GRID2: variants seen among roughly 807,000 people sequenced by gnomAD.
The protein encoded by GRID2 is glutamate ionotropic receptor delta type subunit 2.
GRID2 carries 33 observed loss-of-function variants against 114.8 expected under a neutral mutation model. That is an observed-to-expected ratio of 0.29 (90% CI 0.22 to 0.38). The LOEUF is 0.38. Among genes scored for constraint, GRID2 ranks in the 10% least tolerant of loss-of-function variants. The probability of loss-of-function intolerance (pLI) is 1.00; values close to 1 mark genes in which losing one functional copy is unlikely to be tolerated. For missense variants in GRID2, 1,184 were observed against 1,257.7 expected (o/e 0.94, Z 0.89); for synonymous variants, 505 against 449.9 (o/e 1.12, Z -1.55).
At chr4:93,213,695 T>C (rs1743842798) in intron 5 of GRID2, among the ~76,000 whole-genome samples, 1 of 152,172 alleles carries the variant, frequency 6.6e-6, no homozygotes, top group African/African-American at 2.4e-5. Flanking sequence ...AACCTAAAGC[T>C]GATATACTAC....
chr4:93,238,186 A>T (rs1054471567), intron 7 of GRID2, among the ~76,000 whole-genome samples, 185 bp from the exon 8 acceptor site: 1 of 152,012 alleles, frequency 6.6e-6, no homozygotes, highest in East Asian at 1.9e-4. Context: ...AGGAATTTCC[A>T]AAGTTAGGTT....
intron 2 of GRID2, among the ~76,000 whole-genome samples, chr4:93,019,575 A>G (rs1191438541): frequency 6.6e-6 from 1 of 152,136 alleles, no homozygotes; most frequent in Non-Finnish European, 1.5e-5. Flanking sequence ...TCGTAGCCTT[A>G]AAAATAATAA....
chr4:92,963,077 T>C (rs958497984), intron 2 of GRID2, among the ~76,000 whole-genome samples: 7 of 152,022 alleles, frequency 4.6e-5, no homozygotes, highest in Non-Finnish European at 8.8e-5. Context: ...AATACCTTAA[T>C]TTAAAATACT....
chr4:93,364,307 T>C (rs1762140772), intron 8 of GRID2, among the ~76,000 whole-genome samples: 2 of 152,248 alleles, frequency 1.3e-5, no homozygotes, highest in African/African-American at 4.8e-5. Flanking sequence ...AGGTTAGGTC[T>C]AAAAATAGGC....
At chr4:92,563,502 C>T (rs758326118) in intron 1 of GRID2, among the ~76,000 whole-genome samples, 17 of 151,970 alleles carry the variant, frequency 1.1e-4, no homozygotes, top group Non-Finnish European at 1.9e-4. Context: ...TTTTCCGTTG[C>T]AAAAATAGCA....
At chr4:93,668,569 T>G (rs1422050650) in intron 14 of GRID2, among the ~76,000 whole-genome samples, 1 of 152,098 alleles carries the variant, frequency 6.6e-6, no homozygotes, top group Non-Finnish European at 1.5e-5. Flanking sequence ...AAACATGGTC[T>G]TAGCCTTCAA....
At chr4:92,825,733 T>C (rs1302428765) in intron 2 of GRID2, among the ~76,000 whole-genome samples, 1 of 152,150 alleles carries the variant, frequency 6.6e-6, no homozygotes, top group African/African-American at 2.4e-5. Flanking sequence ...AAATAGCATG[T>C]AATGCAAGGA....
intron 4 of GRID2, among the ~76,000 whole-genome samples, chr4:93,136,863 A>G (rs940385735): frequency 1.3e-5 from 2 of 152,148 alleles, no homozygotes; most frequent in Non-Finnish European, 2.9e-5. Context: ...ATACTATCCA[A>G]ATCTTAAAGG....
At chr4:93,578,534 C>G (rs1467176327) in intron 13 of GRID2, among the ~76,000 whole-genome samples, 1 of 150,634 alleles carries the variant, frequency 6.6e-6, no homozygotes, top group East Asian at 1.9e-4. Flanking sequence ...GCTCGGAAAG[C>G]TGATATATAG....
intron 8 of GRID2, among the ~76,000 whole-genome samples, chr4:93,346,658 T>C (rs531434861): frequency 8.2e-4 from 125 of 152,232 alleles, no homozygotes; most frequent in Middle Eastern, 3.4e-3. Context: ...TTTTTTAGAG[T>C]AAAATATCTT....
At chr4:92,909,264 CTT>C (rs531679793) in intron 2 of GRID2, among the ~76,000 whole-genome samples, 1 of 141,236 alleles carries the variant, frequency 7.1e-6, no homozygotes. Flanking sequence ...TAGTTTTTTT[CTT>C]TTTTTTTTTC....
chr4:92,936,615 A>T (rs1477160469), intron 2 of GRID2, among the ~76,000 whole-genome samples: 1 of 145,962 alleles, frequency 6.9e-6, no homozygotes, highest in African/African-American at 2.4e-5. Context: ...TTCAACATCA[A>T]ATTTGTAGGC....
chr4:92,604,865 T>C (rs1011421834), intron 2 of GRID2, among the ~76,000 whole-genome samples: 2 of 152,040 alleles, frequency 1.3e-5, no homozygotes, highest in African/African-American at 4.8e-5. Flanking sequence ...CATTTTGAAT[T>C]TTAATCTTCA....
intron 2 of GRID2, among the ~76,000 whole-genome samples, chr4:92,820,168 A>G (rs1351696559): frequency 6.6e-6 from 1 of 152,126 alleles, no homozygotes; most frequent in Non-Finnish European, 1.5e-5. Context: ...TATAAAGTTT[A>G]TTGGTTTTTA....
intron 2 of GRID2, among the ~76,000 whole-genome samples, chr4:92,801,234 T>C (rs13435349): frequency 6.6e-6 from 1 of 152,024 alleles, no homozygotes; most frequent in Non-Finnish European, 1.5e-5. Context: ...CAAGGAATCA[T>C]CTCTTTGCCA....
At chr4:93,290,279 G>A (rs1249992346) in intron 8 of GRID2, among the ~76,000 whole-genome samples, 1 of 152,268 alleles carries the variant, frequency 6.6e-6, no homozygotes, top group Non-Finnish European at 1.5e-5. Context: ...TTATGAGTGC[G>A]TGTTTATGAG....
chr4:92,949,467 T>C (rs916876581), intron 2 of GRID2, among the ~76,000 whole-genome samples: 1 of 152,120 alleles, frequency 6.6e-6, no homozygotes, highest in African/African-American at 2.4e-5. Context: ...AAATAACCTT[T>C]ACATTTTAAG....
chr4:93,426,062 C>T (rs1173641717), intron 10 of GRID2, among the ~76,000 whole-genome samples: 1 of 151,954 alleles, frequency 6.6e-6, no homozygotes, highest in African/African-American at 2.4e-5. Context: ...GAGGATCTAA[C>T]CTAAATTGTT....
intron 13 of GRID2, among the ~76,000 whole-genome samples, chr4:93,554,019 C>G (rs912823464): frequency 6.6e-6 from 1 of 152,104 alleles, no homozygotes; most frequent in African/African-American, 2.4e-5. Context: ...GATTCTGTGA[C>G]TTTATCTCTA....
Sources: allele counts gnomAD v4.1 joint callset (sites outside exome capture counted in the v4.1 genomes callset), GRCh38; gene constraint gnomAD v4.1.1; transcripts MANE v1.5; gene names NCBI Gene and HGNC (gene_info 2026-07-23, HGNC 2026-07-21).